GMEB1: variants seen among roughly 807,000 people sequenced by gnomAD.
GMEB1 encodes glucocorticoid modulatory element-binding protein 1.
GMEB1 carries 6 observed loss-of-function variants against 52.4 expected under a neutral mutation model. The observed-to-expected ratio is 0.11, with a 90% CI of 0.06 to 0.23. The LOEUF (loss-of-function observed/expected upper bound fraction) is 0.23, where lower values mean the gene tolerates loss of function less well. GMEB1 is among the 10% of genes least tolerant of loss of function. GMEB1 has a pLI of 1.00. For missense variants in GMEB1, 486 were observed against 685.6 expected (o/e 0.71, Z 3.25); for synonymous variants, 255 against 244.9 (o/e 1.04, Z -0.38).
At chr1:28,704,958 G>A (rs541923729) in intron 8 of GMEB1, among the ~76,000 whole-genome samples, 2 of 151,908 alleles carry the variant, frequency 1.3e-5, no homozygotes, top group South Asian at 2.1e-4. Context: ...GTGGGTGCCT[G>A]TAGTCCCAGC....
chr1:28,708,107 C>T (rs886650055), intron 8 of GMEB1, among the ~76,000 whole-genome samples: 1 of 152,120 alleles, frequency 6.6e-6, no homozygotes, highest in Non-Finnish European at 1.5e-5. Flanking sequence ...CCATATTGCG[C>T]AGGCTGGTCT....
intron 4 of GMEB1, 139 bp from the exon 5 acceptor site, chr1:28,692,803 G>A (rs1246760524): frequency 2.2e-6 from 1 of 457,904 alleles, no homozygotes; most frequent in African/African-American, 2.0e-5. Context: ...CAATAGTACA[G>A]GAGGTTGGAT....
At chr1:28,710,042 G>A (rs1021141147) in intron 8 of GMEB1, among the ~76,000 whole-genome samples, 19 of 152,122 alleles carry the variant, frequency 1.2e-4, no homozygotes, top group African/African-American at 4.6e-4. Flanking sequence ...AGCTACTCGG[G>A]AGGCTGAGGC....
intron 2 of GMEB1, among the ~76,000 whole-genome samples, chr1:28,687,334 TCACA>T (rs1161076315): frequency 0.012 from 647 of 54,042 alleles, 89 homozygotes; most frequent in African/African-American, 0.038. Flanking sequence ...AGACCCTATC[TCACA>T]CACACACACA....
chr1:28,707,360 T>C (rs1670833542), intron 8 of GMEB1, among the ~76,000 whole-genome samples: 1 of 152,014 alleles, frequency 6.6e-6, no homozygotes, highest in Non-Finnish European at 1.5e-5. Context: ...GTGTGGAGAG[T>C]AGACTCTTAT....
chr1:28,710,712 AC>A (rs1378649140), intron 9 of GMEB1, 70 bp downstream of exon 9: 4 of 1,162,048 alleles, frequency 3.4e-6, no homozygotes, highest in Non-Finnish European at 4.5e-6. Flanking sequence ...TTTCTTGTTG[AC>A]TTTTGTTGGG....
In GMEB1 at chr1:28,674,908, C is replaced by T. The variant is rs374452907; in HGVS notation, c.-31+6069C>T. Among the ~76,000 whole-genome samples, 10 of 141,056 alleles carry T rather than the reference C, an allele frequency of 7.1e-5. No homozygotes were observed. The East Asian group carries it at 2.1e-3, about 30-fold the overall frequency. The allele number at this position is 141,056 out of a possible 152,430, so 92.5% of individuals were successfully genotyped here. ...TAATTTTTTGTATTTTTAGTAGAGA[C>T]GGGGTTTCACCGTTTTTAGCCGGGA... is the stretch of plus-strand genomic sequence containing the variant. On this transcript the variant is annotated intron_variant, in intron 1 of 9. Coordinates refer to ENST00000373816, the MANE Select transcript of GMEB1 (RefSeq NM_001319674.2).
intron 8 of GMEB1, among the ~76,000 whole-genome samples, chr1:28,706,458 G>A (rs977092171): frequency 1.3e-4 from 19 of 151,758 alleles, no homozygotes; most frequent in African/African-American, 3.6e-4. Context: ...ACAAAAATCC[G>A]CGAGGCATGA....
intron 1 of GMEB1, among the ~76,000 whole-genome samples, chr1:28,674,893 T>C (rs1353967134): frequency 6.9e-6 from 1 of 144,770 alleles, no homozygotes; most frequent in Non-Finnish European, 1.5e-5. Flanking sequence ...TAATTTTTTG[T>C]ATTTTTAGTA....
chr1:28,701,163 C>T (rs1670489382), intron 6 of GMEB1, among the ~76,000 whole-genome samples: 1 of 151,716 alleles, frequency 6.6e-6, no homozygotes, highest in African/African-American at 2.4e-5. Context: ...ACTTGATTAT[C>T]TTTTGCCCGA....
chr1:28,682,793 C>T (rs1300361294), intron 1 of GMEB1, among the ~76,000 whole-genome samples: 1 of 152,062 alleles, frequency 6.6e-6, no homozygotes, highest in Non-Finnish European at 1.5e-5. Context: ...GCTGTTTGCA[C>T]AGAAAGTAGA....
chr1:28,708,503 C>T (rs1670889243), intron 8 of GMEB1, among the ~76,000 whole-genome samples: 1 of 151,322 alleles, frequency 6.6e-6, no homozygotes. Context: ...CTGTTGTTTC[C>T]CAGGCTGGAG....
Position 28,717,824 on chromosome 1 carries a change from C to T in GMEB1, c.*3051C>T, listed in dbSNP as rs1671312293. 6.6e-6 allele frequency: 1 copy of T among 152,168 alleles called. No individual in the cohort carries two copies. The highest frequency in any genetic ancestry group is 2.4e-5 in the African/African-American group (1 of 41,430). The allele number at this position is 152,168 out of a possible 1,614,324, so 9.4% of individuals were successfully genotyped here. A position where few individuals can be genotyped will look rare whatever the true frequency, so the allele number is the denominator to read the frequency against. Reference sequence around the variant, plus strand: ...GACCAATTCAGGACAGAAGAGCCCTCGTGAATACCAACGTGCTAGCTCAGG... The same window carrying T: ...GACCAATTCAGGACAGAAGAGCCCTTGTGAATACCAACGTGCTAGCTCAGG... On this transcript the variant is annotated 3_prime_UTR_variant, in exon 10 of 10. Coordinates refer to ENST00000373816, the MANE Select transcript of GMEB1 (RefSeq NM_001319674.2).
chr1:28,692,229 G>A (rs1049154318), intron 4 of GMEB1, among the ~76,000 whole-genome samples: 1 of 148,456 alleles, frequency 6.7e-6, no homozygotes, highest in African/African-American at 2.5e-5. Context: ...GGAAAACCTT[G>A]CATCTTCAAA....
chr1:28,703,248 A>T (rs1413649329), intron 7 of GMEB1, among the ~76,000 whole-genome samples: 1 of 152,188 alleles, frequency 6.6e-6, no homozygotes, highest in Admixed American at 6.6e-5. Flanking sequence ...GTGATTAATG[A>T]TGATTCACTT....
intron 1 of GMEB1, among the ~76,000 whole-genome samples, chr1:28,669,595 C>T (rs1044719741): frequency 1.3e-5 from 2 of 151,948 alleles, no homozygotes; most frequent in African/African-American, 2.4e-5. Flanking sequence ...AGTGAGCAGG[C>T]CCAGGTCTCC....
rs1557504066 is a variant in GMEB1, at chr1:28,687,362, ACACACACAC to A, written c.129-2741_129-2733del. ...CACACACACACACACACACACACAC[ACACACACAC>A]ACACACACACACACACAAAAAAAGA... On this transcript the variant is annotated intron_variant, in intron 2 of 9. Transcript: ENST00000373816. 1.3e-4 allele frequency among the ~76,000 whole-genome samples: 7 copies of A among 53,058 alleles called. 1 individual carries two copies. The highest frequency in any genetic ancestry group is 5.6e-4 in the African/African-American group (7 of 12,534). 34.8% of individuals were successfully genotyped at this position (53,058 alleles called of 152,430 possible).
At position 28,717,227 on chromosome 1, in the gene GMEB1, T is replaced by C. The variant is rs1202832119; in HGVS notation, c.*2454T>C. ...CTTTTTGAGATGGAGTCTTGCTCTGTAGCCCAGGCTGGAGTGCAATGGTGT... is the reference window on the plus strand; with the variant it reads ...CTTTTTGAGATGGAGTCTTGCTCTGCAGCCCAGGCTGGAGTGCAATGGTGT... On this transcript the variant is annotated 3_prime_UTR_variant, in exon 10 of 10. Coordinates refer to ENST00000373816, the MANE Select transcript of GMEB1 (RefSeq NM_001319674.2). The C allele has an allele frequency of 1.3e-5, 2 of 150,974 alleles. No homozygotes were observed. Among genetic ancestry groups the C allele is most frequent in the South Asian group, 4.3e-4 (2 of 4,696 alleles). 9.4% of individuals were successfully genotyped at this position (150,974 alleles called of 1,614,324 possible).
At chr1:28,695,124 C>T (rs1670141030) in intron 5 of GMEB1, among the ~76,000 whole-genome samples, 1 of 151,296 alleles carries the variant, frequency 6.6e-6, no homozygotes, top group African/African-American at 2.4e-5. Context: ...GCCACCACAC[C>T]CACTTAATTT....
Sources: gnomAD v4.1 joint callset for allele counts (sites outside exome capture counted in the v4.1 genomes callset) on GRCh38, gnomAD v4.1.1 for gene constraint, MANE v1.5 for transcripts, NCBI Gene and HGNC (gene_info 2026-07-23, HGNC 2026-07-21) for gene names.